The following CRIM1 variants were observed in gnomAD, a reference collection of about 807,000 sequenced individuals.
The protein encoded by CRIM1 is cysteine rich transmembrane BMP regulator 1.
A neutral mutation model predicts 116.4 loss-of-function variants in CRIM1; 32 were observed. The observed-to-expected ratio is 0.27, with a 90% CI of 0.21 to 0.37. CRIM1 has a LOEUF of 0.37. CRIM1 is among the 10% of genes least tolerant of loss of function. CRIM1 has a pLI of 1.00. For missense variants in CRIM1, 1,331 were observed against 1,354.8 expected (o/e 0.98, Z 0.28); for synonymous variants, 590 against 509.2 (o/e 1.16, Z -2.13).
intron 2 of CRIM1, among the ~76,000 whole-genome samples, chr2:36,425,856 C>T (rs1674408103): frequency 6.6e-6 from 1 of 152,200 alleles, no homozygotes; most frequent in African/African-American, 2.4e-5. Context: ...ATTGCTTTAA[C>T]ATTCATGAAT....
chr2:36,513,718 G>T lies in CRIM1; in HGVS notation c.1943G>T (p.Cys648Phe), dbSNP rs768636904. Reference sequence around the variant, plus strand: ...CTGATCACCTGCCCGGTGCCTGCCTGTGGCAACCCCACCATTCACCCTGGA... The same window carrying T: ...CTGATCACCTGCCCGGTGCCTGCCTTTGGCAACCCCACCATTCACCCTGGA... The part of the protein sequence containing the change: ...CALITCPVPA[C>F]GNPTIHPGQC... Residue 648 changes from cysteine to phenylalanine, a missense_variant, in exon 11 of 17, where the codon TGT becomes TTT. This residue lies in a region of CRIM1 where 358 missense variants were observed against 436.1 expected (regional missense o/e 0.82). Transcript: ENST00000280527. The T allele has an allele frequency of 1.2e-6, 2 of 1,614,240 alleles. No homozygotes were observed. Among genetic ancestry groups the T allele is most frequent in the South Asian group, 1.1e-5 (1 of 91,088 alleles).
intron 7 of CRIM1, among the ~76,000 whole-genome samples, chr2:36,495,949 G>T (rs1395173419): frequency 2.0e-5 from 3 of 152,032 alleles, no homozygotes; most frequent in Non-Finnish European, 4.4e-5. Flanking sequence ...AACTACTCTG[G>T]CTATGGTCTC....
intron 4 of CRIM1, among the ~76,000 whole-genome samples, chr2:36,458,027 T>C (rs1677280395): frequency 6.6e-6 from 1 of 152,206 alleles, no homozygotes; most frequent in Admixed American, 6.5e-5. Context: ...AGTTTTTAAT[T>C]TATAGGCGGT....
intron 7 of CRIM1, among the ~76,000 whole-genome samples, chr2:36,496,332 G>A (rs951981522): frequency 6.6e-6 from 1 of 152,130 alleles, no homozygotes; most frequent in Non-Finnish European, 1.5e-5. Context: ...AAATTGAATA[G>A]TTCTAATGTA....
chr2:36,392,896 T>C (rs1671726388), intron 1 of CRIM1, among the ~76,000 whole-genome samples: 1 of 152,246 alleles, frequency 6.6e-6, no homozygotes, highest in South Asian at 2.1e-4. Context: ...GCTTCCTGGC[T>C]GAACATAGTG....
At chr2:36,411,265 G>C (rs184916226) in intron 2 of CRIM1, among the ~76,000 whole-genome samples, 18 of 152,220 alleles carry the variant, frequency 1.2e-4, no homozygotes, top group African/African-American at 4.1e-4. Flanking sequence ...ATTGCAGCAT[G>C]GAACTCCCAA....
At chr2:36,492,259 C>T (rs1259473055) in intron 7 of CRIM1, among the ~76,000 whole-genome samples, 3 of 152,120 alleles carry the variant, frequency 2.0e-5, no homozygotes, top group South Asian at 2.1e-4. Flanking sequence ...ATAAACTGCT[C>T]TGAGATAAGT....
rs1223646428 is a variant in CRIM1 at position 36,549,517 on chromosome 2, A to C, written c.*816A>C. On this transcript the variant is annotated 3_prime_UTR_variant, in exon 17 of 17. Coordinates refer to ENST00000280527, the MANE Select transcript of CRIM1 (RefSeq NM_016441.3). ...TGACAGGAAGAGGAGGGAGAGGGTG[A>C]CGAACACCAGGCATTTCCAGGGGCT... is the stretch of plus-strand genomic sequence containing the variant. 6.6e-6 allele frequency: 1 copy of C among 152,286 alleles called. No homozygotes were observed. Among genetic ancestry groups the C allele is most frequent in the African/African-American group, 2.4e-5 (1 of 41,318 alleles). The allele number at this position is 152,286 out of a possible 1,614,324, so 9.4% of individuals were successfully genotyped here.
rs2276673 is a variant in CRIM1 at position 36,441,252 on chromosome 2, T to A, written c.506-6T>A. ...GCATAAGCTAAATTCTTTCTCTCCC[T>A]TTTAGAAGAGAAGCCAGATTGCTCC... On this transcript the variant is annotated splice_region_variant and splice_polypyrimidine_tract_variant and intron_variant, in intron 2 of 16. Transcript: ENST00000280527. The A allele has an allele frequency of 0.17, 269,897 of 1,613,856 alleles. 27,727 individuals are homozygous for A. The highest frequency in any genetic ancestry group is 0.56 in the East Asian group (25,222 of 44,846).
At chr2:36,466,008 C>T (rs1677984988) in intron 5 of CRIM1, among the ~76,000 whole-genome samples, 1 of 151,720 alleles carries the variant, frequency 6.6e-6, no homozygotes, top group African/African-American at 2.4e-5. Flanking sequence ...ACCTCAGCCT[C>T]CCAAGTAGCT....
intron 2 of CRIM1, among the ~76,000 whole-genome samples, chr2:36,436,071 A>G (rs1675290509): frequency 6.6e-6 from 1 of 152,108 alleles, no homozygotes; most frequent in Non-Finnish European, 1.5e-5. Flanking sequence ...TTCAGAAGTA[A>G]TGTCAGAAAA....
At chr2:36,461,142 G>T (rs80152414) in intron 4 of CRIM1, among the ~76,000 whole-genome samples, 95 of 152,298 alleles carry the variant, frequency 6.2e-4, no homozygotes, top group African/African-American at 2.3e-3. Flanking sequence ...AGAAGTTTGG[G>T]AACTGAGCCT....
At chr2:36,456,292 T>C (rs920436883) in intron 4 of CRIM1, among the ~76,000 whole-genome samples, 4 of 152,232 alleles carry the variant, frequency 2.6e-5, no homozygotes, top group Admixed American at 6.5e-5. Flanking sequence ...ACCTGCTGCA[T>C]GTACACACTC....
intron 2 of CRIM1, among the ~76,000 whole-genome samples, chr2:36,428,792 T>C (rs188079172): frequency 1.2e-3 from 186 of 152,356 alleles, no homozygotes; most frequent in Non-Finnish European, 2.1e-3. Flanking sequence ...CCATTATTCT[T>C]ACAGTTCATT....
At chr2:36,524,265 A>G (rs1262143302) in intron 13 of CRIM1, among the ~76,000 whole-genome samples, 1 of 152,188 alleles carries the variant, frequency 6.6e-6, no homozygotes, top group Non-Finnish European at 1.5e-5. Flanking sequence ...AAATGTATCA[A>G]GGCATATATC....
chr2:36,419,536 C>G (rs1673892826), intron 2 of CRIM1, among the ~76,000 whole-genome samples: 1 of 152,188 alleles, frequency 6.6e-6, no homozygotes, highest in Admixed American at 6.5e-5. Context: ...ATTCCATGTT[C>G]TTGATAATGT....
chr2:36,470,975 A>T (rs981463640), intron 5 of CRIM1, among the ~76,000 whole-genome samples: 2 of 152,204 alleles, frequency 1.3e-5, no homozygotes, highest in African/African-American at 2.4e-5. Flanking sequence ...TCCAACCCTC[A>T]TGAATGACTT....
chr2:36,371,325 G>GT (rs1669929577), intron 1 of CRIM1, among the ~76,000 whole-genome samples: 1 of 151,774 alleles, frequency 6.6e-6, no homozygotes, highest in African/African-American at 2.4e-5. Context: ...TTCATACTGT[G>GT]TTAGAGTTCA....
intron 13 of CRIM1, among the ~76,000 whole-genome samples, chr2:36,525,779 C>T (rs1665717489): frequency 6.6e-6 from 1 of 152,072 alleles, no homozygotes; most frequent in Non-Finnish European, 1.5e-5. Flanking sequence ...TCTCTAAAAA[C>T]CTCAAACTCA....
Sources: gnomAD v4.1 joint callset for allele counts (sites outside exome capture counted in the v4.1 genomes callset) on GRCh38, gnomAD v4.1.1 for gene constraint, gnomAD v4.1.1 regional missense constraint, MANE v1.5 for transcripts, NCBI Gene and HGNC (gene_info 2026-07-23, HGNC 2026-07-21) for gene names.